The following NTNG2 variants were observed in gnomAD, a reference collection of about 807,000 sequenced individuals.
The protein encoded by NTNG2 is netrin G2.
In NTNG2, 15 loss-of-function variants were observed where a neutral mutation model predicts 47.6. The ratio of observed to expected loss-of-function variants is 0.32; its 90% CI spans 0.21 to 0.49. The LOEUF (loss-of-function observed/expected upper bound fraction) is 0.49, where lower values mean the gene tolerates loss of function less well. Among genes scored for constraint, NTNG2 ranks in the 20% least tolerant of loss-of-function variants. The pLI is 0.99. For synonymous variants in NTNG2, 307 were observed against 324.6 expected (o/e 0.95, Z 0.58); for missense variants, 578 against 764.6 (o/e 0.76, Z 2.88).
intron 2 of NTNG2, among the ~76,000 whole-genome samples, chr9:132,174,403 T>G (rs1261533865): frequency 2.0e-5 from 3 of 152,062 alleles, no homozygotes. Context: ...GGCCGCACCA[T>G]GCTGCGGATG....
At position 132,227,004 on chromosome 9, in the gene NTNG2, A is replaced by G. The variant is rs751153319; in HGVS notation, c.1013A>G (p.His338Arg). 4.8e-5 allele frequency: 77 copies of G among 1,607,190 alleles called. No individual in the cohort carries two copies. The highest frequency in any genetic ancestry group is 5.9e-5 in the Non-Finnish European group (70 of 1,178,570). Residue 338 changes from histidine (H) to arginine (R), a missense_variant, in exon 4 of 8, where the codon CAT becomes CGT. Transcript: ENST00000393229. ...GCCGGCTCCTACCTGCCGCTGCCCC[A>G]TGGCTCTCCCAACGCCTGTACGTGC... ...WRAGSYLPLP[H>R]GSPNACATAG...
At chr9:132,170,940 G>T (rs7858111) in intron 2 of NTNG2, among the ~76,000 whole-genome samples, 4,349 of 152,238 alleles carry the variant, frequency 0.029, 181 homozygotes, top group East Asian at 0.093. Flanking sequence ...TGCCGTTGAC[G>T]AAGGGGCCAG....
chr9:132,204,569 A>AATT (rs1412310066), intron 3 of NTNG2, among the ~76,000 whole-genome samples: 1 of 152,128 alleles, frequency 6.6e-6, no homozygotes, highest in Non-Finnish European at 1.5e-5. Context: ...GCAAGAAGGG[A>AATT]ATTCTGTGAT....
At chr9:132,225,709 G>T (rs563307055) in intron 3 of NTNG2, among the ~76,000 whole-genome samples, 2 of 152,300 alleles carry the variant, frequency 1.3e-5, no homozygotes, top group South Asian at 4.1e-4. Flanking sequence ...TTGTTTGCGT[G>T]TTTGATTTTA....
At chr9:132,206,694 A>G (rs1177799171) in intron 3 of NTNG2, among the ~76,000 whole-genome samples, 1 of 152,176 alleles carries the variant, frequency 6.6e-6, no homozygotes, top group African/African-American at 2.4e-5. Flanking sequence ...AATAAAATAA[A>G]CCCAACTCTT....
At chr9:132,205,717 C>T (rs1204020428) in intron 3 of NTNG2, among the ~76,000 whole-genome samples, 1 of 151,984 alleles carries the variant, frequency 6.6e-6, no homozygotes, top group Non-Finnish European at 1.5e-5. Flanking sequence ...CCCATCTCTA[C>T]TAAAAATACA....
At position 132,236,095 on chromosome 9, in the gene NTNG2, A is replaced by G. The variant is rs1381309203; in HGVS notation, c.1055-3009A>G. On this transcript the variant is annotated intron_variant, in intron 5 of 7. Transcript: ENST00000393229. This position sits in a 1 kb window ranked among gnomAD's most constrained non-coding sequence, Gnocchi z 4.3. ...CCCCTCTCCAGCTGCCCTTGCTCAC[A>G]GGACACCTGGGCAGTTGCTGGATCA... Among the ~76,000 whole-genome samples, 1 of 152,196 alleles carries G rather than the reference A, an allele frequency of 6.6e-6. No individual in the cohort carries two copies. The highest frequency in any genetic ancestry group is 1.5e-5 in the Non-Finnish European group (1 of 68,020).
intron 2 of NTNG2, among the ~76,000 whole-genome samples, chr9:132,169,035 TC>T (rs1835698324): frequency 6.6e-6 from 1 of 152,104 alleles, no homozygotes; most frequent in South Asian, 2.1e-4. Context: ...TGGTCACCCC[TC>T]CCAGTCCCAG....
intron 3 of NTNG2, among the ~76,000 whole-genome samples, chr9:132,203,781 C>T (rs1163212827): frequency 6.6e-6 from 1 of 152,190 alleles, no homozygotes; most frequent in African/African-American, 2.4e-5. Flanking sequence ...ACAGCCCAGC[C>T]AGCTCTGCCC....
chr9:132,178,258 G>C (rs1363398341), intron 2 of NTNG2, among the ~76,000 whole-genome samples: 2 of 151,960 alleles, frequency 1.3e-5, no homozygotes, highest in African/African-American at 2.4e-5. Flanking sequence ...TCTCAGAGCA[G>C]GGTCCTTGGA....
rs1247026951 is a variant in NTNG2 at position 132,162,569 on chromosome 9, A to AGG, written c.-484+331_-484+332insGG. On this transcript the variant is annotated intron_variant, in intron 1 of 7. Coordinates refer to ENST00000393229, the MANE Select transcript of NTNG2 (RefSeq NM_032536.4). This position sits in a 1 kb window ranked among gnomAD's most constrained non-coding sequence, Gnocchi z 4.6. ...GTGTGTGTGTGTGAGAGAGAGACAGAGTGTGTGTGTGTGTGTGTGTGTGTG... is the reference window on the plus strand; with the variant it reads ...GTGTGTGTGTGTGAGAGAGAGACAGAGGGTGTGTGTGTGTGTGTGTGTGTGTG... Among the ~76,000 whole-genome samples, 2 of 112,404 alleles carry AGG rather than the reference A, an allele frequency of 1.8e-5. No homozygotes were observed. Among genetic ancestry groups the AGG allele is most frequent in the African/African-American group, 7.1e-5 (2 of 28,230 alleles). The allele number at this position is 112,404 out of a possible 152,430, so 73.7% of individuals were successfully genotyped here.
At chr9:132,186,208 C>A (rs1024225959) in intron 2 of NTNG2, among the ~76,000 whole-genome samples, 20 of 152,102 alleles carry the variant, frequency 1.3e-4, no homozygotes, top group African/African-American at 3.9e-4. Context: ...AGAAGGGGAG[C>A]CTTACCCTGT....
In NTNG2 at chr9:132,198,038, TTCG is replaced by T; in HGVS notation, c.287_289del (p.Phe96_Asp97delinsTyr). The T allele has an allele frequency of 6.2e-7, 1 of 1,613,718 alleles. No homozygotes were observed. The highest frequency in any genetic ancestry group is 8.5e-7 in the Non-Finnish European group (1 of 1,180,018). ...CCTGGCCCACCCGCCCAGGCTCATG[TTCG>T]ACAAGGAGGAGGAGGGCCTGGCCAC... On this transcript the variant is annotated inframe_deletion, in exon 3 of 8. Coordinates refer to ENST00000393229, the MANE Select transcript of NTNG2 (RefSeq NM_032536.4).
Position 132,227,254 on chromosome 9 carries a change from C to T in NTNG2, c.1030+233C>T, listed in dbSNP as rs554336983. Among the ~76,000 whole-genome samples the T allele has an allele frequency of 1.1e-4, 17 of 152,326 alleles. No homozygotes were observed. In the East Asian group the frequency reaches 2.7e-3, roughly 24 times the overall value. Reference sequence around the variant, plus strand: ...AGAAACACACGTGCGTGCATGCACCCCCACACACACACCTTGTTCTACAGC... The same window carrying T: ...AGAAACACACGTGCGTGCATGCACCTCCACACACACACCTTGTTCTACAGC... On this transcript the variant is annotated intron_variant, in intron 4 of 7. Coordinates refer to ENST00000393229, the MANE Select transcript of NTNG2 (RefSeq NM_032536.4).
intron 3 of NTNG2, among the ~76,000 whole-genome samples, chr9:132,203,440 G>C (rs1367345756): frequency 6.6e-6 from 1 of 152,146 alleles, no homozygotes; most frequent in Non-Finnish European, 1.5e-5. Flanking sequence ...ATAGGGAAGG[G>C]TGTGGCCTGG....
At chr9:132,230,520 C>A in intron 4 of NTNG2, 52 bp from the exon 5 acceptor site, 1 of 1,564,156 alleles carries the variant, frequency 6.4e-7, no homozygotes, top group Non-Finnish European at 8.7e-7. Flanking sequence ...GGAGGTGACA[C>A]CCAGGCCCCT....
At chr9:132,186,198 A>C (rs964723781) in intron 2 of NTNG2, among the ~76,000 whole-genome samples, 4 of 152,146 alleles carry the variant, frequency 2.6e-5, no homozygotes, top group African/African-American at 9.7e-5. Flanking sequence ...GGTATGCAAG[A>C]GAAGGGGAGC....
At chr9:132,192,459 C>T (rs918000101) in intron 2 of NTNG2, among the ~76,000 whole-genome samples, 2 of 152,232 alleles carry the variant, frequency 1.3e-5, no homozygotes, top group Middle Eastern at 3.4e-3. Flanking sequence ...GGCGTGGTGG[C>T]GCACGCCTGT....
rs1301157913 is a variant in NTNG2, at chr9:132,180,822, G to A, written c.213+13778G>A. 6.6e-6 allele frequency among the ~76,000 whole-genome samples: 1 copy of A among 152,212 alleles called. No individual in the cohort carries two copies. The highest frequency in any genetic ancestry group is 2.4e-5 in the African/African-American group (1 of 41,448). On this transcript the variant is annotated intron_variant, in intron 2 of 7. Coordinates refer to ENST00000393229, the MANE Select transcript of NTNG2 (RefSeq NM_032536.4). The surrounding 1 kb of genome is among the most constrained non-coding windows in gnomAD (Gnocchi z 4.2). The stretch of plus-strand genomic sequence containing the variant: ...GGAGCTTCTCACTTTTAATGGTCAT[G>A]GCCCCACTTGAGAATCCATGGTGCT...
Sources: gnomAD v4.1 joint callset for allele counts (sites outside exome capture counted in the v4.1 genomes callset) on GRCh38, gnomAD v4.1.1 for gene constraint, Gnocchi (gnomAD v3.1) non-coding constraint, MANE v1.5 for transcripts, NCBI Gene and HGNC (gene_info 2026-07-23, HGNC 2026-07-21) for gene names.